The following CHD1L variants were observed in gnomAD, a reference collection of about 807,000 sequenced individuals.
CHD1L encodes the protein ATP-dependent chromatin remodeler CHD1L.
Under a neutral mutation model 115.9 loss-of-function variants are expected in CHD1L, and 118 were observed. The ratio of observed to expected loss-of-function variants is 1.02; its 90% CI spans 0.88 to 1.19. The LOEUF (loss-of-function observed/expected upper bound fraction) is 1.19. Among genes scored for constraint, CHD1L ranks in the 50% most tolerant of loss-of-function variants. The pLI, the probability that CHD1L is intolerant of heterozygous loss-of-function variation, is 0.00. For synonymous variants in CHD1L, 411 were observed against 387.1 expected (o/e 1.06, Z -0.72); for missense variants, 1,179 against 1,065.3 (o/e 1.11, Z -1.49).
At chr1:147,191,223 G>A in the CHD1L span, among the ~76,000 whole-genome samples, 2 of 152,198 alleles carry the variant, frequency 1.3e-5, no homozygotes, top group South Asian at 4.2e-4. Context: ...TGGGTCAAAT[G>A]GTACTTCCAG....
At chr1:147,237,665 G>A (rs972683978), upstream of CHD1L, among the ~76,000 whole-genome samples, 3 of 152,168 alleles carry the variant, frequency 2.0e-5, no homozygotes, top group Non-Finnish European at 2.9e-5. Context: ...TAGATAGGCC[G>A]TCACTGCCAT....
At chr1:147,288,077 G>C (rs1553967513) in intron 19 of CHD1L, among the ~76,000 whole-genome samples, 1 of 152,088 alleles carries the variant, frequency 6.6e-6, no homozygotes, top group African/African-American at 2.4e-5. Flanking sequence ...TGTAATCCCA[G>C]ACTTTGGGAG....
chr1:147,179,597 C>G, the CHD1L span: 1 of 1,579,044 alleles, frequency 6.3e-7, no homozygotes, highest in Non-Finnish European at 8.7e-7. Flanking sequence ...AAGAAAAACC[C>G]AAGAAGAAGA....
the CHD1L span, among the ~76,000 whole-genome samples, chr1:147,197,767 T>G: frequency 6.6e-6 from 1 of 152,146 alleles, no homozygotes; most frequent in Non-Finnish European, 1.5e-5. Flanking sequence ...TATAGCAGCA[T>G]GAGAATGGGC....
At chr1:147,203,126 T>TTTTTA in the CHD1L span, 1 of 507,512 alleles carries the variant, frequency 2.0e-6, no homozygotes, top group Non-Finnish European at 3.4e-6. Context: ...TTTTTTTTTT[T>TTTTTA]GACAGTAACA....
At chr1:147,184,381 T>G in the CHD1L span, 1 of 1,161,024 alleles carries the variant, frequency 8.6e-7, no homozygotes, top group Non-Finnish European at 1.1e-6. This position sits in a 1 kb window ranked among gnomAD's most constrained non-coding sequence, Gnocchi z 4.4. Flanking sequence ...TAAACCAATA[T>G]TGATACATTA....
At chr1:147,245,224 AACGTGACTTGGCTTTAGCCAGGC>A (rs1666209013) in intron 1 of CHD1L, among the ~76,000 whole-genome samples, 1 of 152,208 alleles carries the variant, frequency 6.6e-6, no homozygotes, top group Non-Finnish European at 1.5e-5. Flanking sequence ...TTTGGTTGTA[AACGTGACTTGGCTTTAGCCAGGC>A]ACGTGACTGG....
intron 11 of CHD1L, among the ~76,000 whole-genome samples, chr1:147,271,443 T>C (rs1676183434): frequency 6.6e-6 from 1 of 152,198 alleles, no homozygotes; most frequent in African/African-American, 2.4e-5. Context: ...TTTTTCTGCA[T>C]AGACAATAAA....
At chr1:147,289,210 C>G (rs1444916591) in intron 19 of CHD1L, among the ~76,000 whole-genome samples, 2 of 148,064 alleles carry the variant, frequency 1.4e-5, no homozygotes, top group African/African-American at 4.8e-5. Flanking sequence ...TGAGGAGTCC[C>G]TGTTTGGAGT....
At chr1:147,234,171 A>G in the CHD1L span, among the ~76,000 whole-genome samples, 1 of 152,102 alleles carries the variant, frequency 6.6e-6, no homozygotes, top group South Asian at 2.1e-4. Context: ...CATTCTCACC[A>G]CCTGATTCTC....
At chr1:147,234,067 C>T in the CHD1L span, among the ~76,000 whole-genome samples, 19 of 152,098 alleles carry the variant, frequency 1.2e-4, no homozygotes, top group South Asian at 4.2e-4. Context: ...TCCCCCTCTG[C>T]GAGAAACACC....
intron 11 of CHD1L, 152 bp from the exon 12 acceptor site, chr1:147,272,019 T>C: frequency 1.8e-6 from 1 of 560,722 alleles, no homozygotes; most frequent in Middle Eastern, 4.2e-4. Context: ...CCCTGTTAAT[T>C]TAAATTTTTC....
chr1:147,263,378 G>A (rs997571608), intron 6 of CHD1L, among the ~76,000 whole-genome samples: 2 of 147,464 alleles, frequency 1.4e-5, no homozygotes, highest in Non-Finnish European at 3.0e-5. Context: ...ACAGTGAGCC[G>A]AGATCATGCC....
At chr1:147,268,204 C>T (rs1180578713) in intron 9 of CHD1L, among the ~76,000 whole-genome samples, 1 of 152,112 alleles carries the variant, frequency 6.6e-6, no homozygotes, top group African/African-American at 2.4e-5. Context: ...TAGCTGCATC[C>T]TAGGAATTTT....
chr1:147,233,174 G>A, the CHD1L span, among the ~76,000 whole-genome samples: 11 of 150,428 alleles, frequency 7.3e-5, no homozygotes, highest in East Asian at 4.0e-4. Context: ...GGTGAAGAAC[G>A]TCTCTGCCCA....
At chr1:147,197,150 T>A in the CHD1L span, among the ~76,000 whole-genome samples, 4 of 152,224 alleles carry the variant, frequency 2.6e-5, no homozygotes, top group African/African-American at 9.7e-5. Flanking sequence ...ACCAGCATTC[T>A]GAACTACTTG....
chr1:147,234,301 A>T, the CHD1L span, among the ~76,000 whole-genome samples: 1 of 151,438 alleles, frequency 6.6e-6, no homozygotes, highest in Non-Finnish European at 1.5e-5. Context: ...CAATCCTTTG[A>T]CTCTACCGGA....
the CHD1L span, among the ~76,000 whole-genome samples, chr1:147,199,106 G>A: frequency 6.6e-6 from 1 of 152,096 alleles, no homozygotes; most frequent in Non-Finnish European, 1.5e-5. Context: ...TAAATTCAGT[G>A]TTCTAGAAAA....
chr1:147,277,423 C>G (rs1203486626), intron 14 of CHD1L, among the ~76,000 whole-genome samples: 1 of 152,184 alleles, frequency 6.6e-6, no homozygotes, highest in Non-Finnish European at 1.5e-5. Flanking sequence ...CAGTGCATAT[C>G]TTTACATATC....
Sources: gnomAD v4.1 joint callset for allele counts (sites outside exome capture counted in the v4.1 genomes callset) on GRCh38, gnomAD v4.1.1 for gene constraint, Gnocchi (gnomAD v3.1) non-coding constraint, MANE v1.5 for transcripts, NCBI Gene and HGNC (gene_info 2026-07-23, HGNC 2026-07-21) for gene names.